KIRREL3: variants seen among roughly 807,000 people sequenced by gnomAD.
KIRREL3 encodes the protein kirre like nephrin family adhesion molecule 3, also known as kin of IRRE-like protein 3.
Under a neutral mutation model 89.7 loss-of-function variants are expected in KIRREL3, and 36 were observed. That is an observed-to-expected ratio of 0.40 (90% confidence interval 0.31 to 0.53). KIRREL3 has a LOEUF of 0.53. KIRREL3 is among the 20% of genes least tolerant of loss of function. KIRREL3 has a pLI of 0.49. For missense variants in KIRREL3, 864 were observed against 1,056.6 expected (o/e 0.82, Z 2.53); for synonymous variants, 445 against 441.4 (o/e 1.01, Z -0.10).
chr11:126,917,490 A>G lies in KIRREL3; in HGVS notation c.55+82965T>C, dbSNP rs553024153. ...TATATTTTACCACAATAAAAAAATT[A>G]AAAAAAAACAAGGAAAAACCTGCAA... On this transcript the variant is annotated intron_variant, in intron 1 of 16. Coordinates refer to ENST00000525144, the MANE Select transcript of KIRREL3 (RefSeq NM_032531.4). The surrounding 1 kb of genome is among the most constrained non-coding windows in gnomAD (Gnocchi z 5.0). Among the ~76,000 whole-genome samples the G allele has an allele frequency of 1.0e-4, 12 of 119,534 alleles. No homozygotes were observed. The highest frequency in any genetic ancestry group is 4.5e-4 in the African/African-American group (12 of 26,768). The allele number at this position is 119,534 out of a possible 152,430, so 78.4% of individuals were successfully genotyped here. A position where few individuals can be genotyped will look rare whatever the true frequency, so the allele number is the denominator to read the frequency against.
chr11:126,833,026 T>C (rs1232588503), intron 1 of KIRREL3, among the ~76,000 whole-genome samples: 1 of 152,182 alleles, frequency 6.6e-6, no homozygotes, highest in East Asian at 1.9e-4. Flanking sequence ...CAACGGAATG[T>C]GTCCGTGTGC....
In KIRREL3 at chr11:126,566,096, A is replaced by T. The variant is rs1227812632; in HGVS notation, c.56-3184T>A. ...CTTTGGGGGTGCTGTCTTTGGCTTTATCAGTAGCAGAAACACCCAGATACT... is the reference window on the plus strand; with the variant it reads ...CTTTGGGGGTGCTGTCTTTGGCTTTTTCAGTAGCAGAAACACCCAGATACT... On this transcript the variant is annotated intron_variant, in intron 1 of 16. Coordinates refer to ENST00000525144, the MANE Select transcript of KIRREL3 (RefSeq NM_032531.4). The surrounding 1 kb of genome is among the most constrained non-coding windows in gnomAD (Gnocchi z 4.9). Among the ~76,000 whole-genome samples the T allele has an allele frequency of 1.3e-5, 2 of 152,004 alleles. No individual in the cohort carries two copies. Among genetic ancestry groups the T allele is most frequent in the East Asian group, 1.9e-4 (1 of 5,182 alleles).
In KIRREL3 at chr11:126,906,767, C is replaced by G. The variant is rs537487558; in HGVS notation, c.55+93688G>C. On this transcript the variant is annotated intron_variant, in intron 1 of 16. Transcript: ENST00000525144. The surrounding 1 kb of genome is among the most constrained non-coding windows in gnomAD (Gnocchi z 4.1). ...GGATCCCCAGCACCTCCTCTGTAGC[C>G]CACAGTGCAAGGCTGCCTGTGGCTT... is the stretch of plus-strand genomic sequence containing the variant. Among the ~76,000 whole-genome samples, 3 of 152,296 alleles carry G rather than the reference C, an allele frequency of 2.0e-5. No homozygotes were observed. The highest frequency in any genetic ancestry group is 4.4e-5 in the Non-Finnish European group (3 of 68,012).
chr11:126,683,539 A>T lies in KIRREL3; in HGVS notation c.56-120627T>A, dbSNP rs1214554219. On this transcript the variant is annotated intron_variant, in intron 1 of 16. Transcript: ENST00000525144. The surrounding 1 kb of genome is among the most constrained non-coding windows in gnomAD (Gnocchi z 5.2). ...TCTTTCTTATCTGCAAAATGGGAAGAGTAAGGGCACCCATCTTGGAGGAGA... is the reference window on the plus strand; with the variant it reads ...TCTTTCTTATCTGCAAAATGGGAAGTGTAAGGGCACCCATCTTGGAGGAGA... 1.3e-5 allele frequency among the ~76,000 whole-genome samples: 2 copies of T among 152,192 alleles called. No homozygotes were observed. The highest frequency in any genetic ancestry group is 2.9e-5 in the Non-Finnish European group (2 of 68,040).
At chr11:126,787,814 T>C (rs1950526444) in intron 1 of KIRREL3, among the ~76,000 whole-genome samples, 3 of 152,222 alleles carry the variant, frequency 2.0e-5, no homozygotes, top group South Asian at 4.1e-4. Flanking sequence ...TCCTGATGAA[T>C]TGGCCTCACT....
chr11:126,713,202 C>G (rs1947829663), intron 1 of KIRREL3, among the ~76,000 whole-genome samples: 1 of 152,202 alleles, frequency 6.6e-6, no homozygotes, highest in Admixed American at 6.5e-5. Context: ...AGGGTACGGA[C>G]TGATGCTGGG....
intron 1 of KIRREL3, among the ~76,000 whole-genome samples, chr11:126,823,201 T>C (rs964207404): frequency 1.3e-5 from 2 of 152,226 alleles, no homozygotes; most frequent in Admixed American, 6.5e-5. Flanking sequence ...ATCTACCATT[T>C]AGAAGGACTG....
chr11:126,637,424 C>T (rs1944309738), intron 1 of KIRREL3, among the ~76,000 whole-genome samples: 1 of 152,196 alleles, frequency 6.6e-6, no homozygotes, highest in Non-Finnish European at 1.5e-5. Context: ...GTTGTGCTTC[C>T]TGCTTAGCAC....
rs938409219 is a variant in KIRREL3 at position 126,550,962 on chromosome 11, G to C, written c.133+11873C>G. 9.2e-5 allele frequency among the ~76,000 whole-genome samples: 14 copies of C among 152,298 alleles called. No individual in the cohort carries two copies. The highest frequency in any genetic ancestry group is 3.4e-3 in the Middle Eastern group (1 of 294). On this transcript the variant is annotated intron_variant, in intron 2 of 16. Coordinates refer to ENST00000525144, the MANE Select transcript of KIRREL3 (RefSeq NM_032531.4). The surrounding 1 kb of genome is among the most constrained non-coding windows in gnomAD (Gnocchi z 4.9). Reference sequence around the variant, plus strand: ...ACCCTGGCACCTGTCACAAGTTCAGGCTTCCAGAACTTCTGGCAGACCCGC... The same window carrying C: ...ACCCTGGCACCTGTCACAAGTTCAGCCTTCCAGAACTTCTGGCAGACCCGC...
At position 126,624,511 on chromosome 11, in the gene KIRREL3, G is replaced by A. The variant is rs1565600890; in HGVS notation, c.56-61599C>T. 1.3e-5 allele frequency among the ~76,000 whole-genome samples: 2 copies of A among 152,192 alleles called. No individual in the cohort carries two copies. Among genetic ancestry groups the A allele is most frequent in the Admixed American group, 6.5e-5 (1 of 15,278 alleles). On this transcript the variant is annotated intron_variant, in intron 1 of 16. Coordinates refer to ENST00000525144, the MANE Select transcript of KIRREL3 (RefSeq NM_032531.4). This position sits in a 1 kb window ranked among gnomAD's most constrained non-coding sequence, Gnocchi z 6.0. ...TGAACAAATGTATGTTTATAATGGT[G>A]TAAAAACCCTGGTTTCCCCTTCCCA...
chr11:126,896,269 C>T lies in KIRREL3; in HGVS notation c.55+104186G>A, dbSNP rs983273091. Reference sequence around the variant, plus strand: ...GGATACCTAAGAAACTAACCCTATACCATCCAAGACAGAACTCTGCTAGTC... The same window carrying T: ...GGATACCTAAGAAACTAACCCTATATCATCCAAGACAGAACTCTGCTAGTC... On this transcript the variant is annotated intron_variant, in intron 1 of 16. Transcript: ENST00000525144. This position sits in a 1 kb window ranked among gnomAD's most constrained non-coding sequence, Gnocchi z 4.1. Among the ~76,000 whole-genome samples, 1 of 152,202 alleles carries T rather than the reference C, an allele frequency of 6.6e-6. No homozygotes were observed. The highest frequency in any genetic ancestry group is 2.4e-5 in the African/African-American group (1 of 41,464).
rs1315285987 is a variant in KIRREL3 at position 126,752,430 on chromosome 11, T to C, written c.56-189518A>G. On this transcript the variant is annotated intron_variant, in intron 1 of 16. Coordinates refer to ENST00000525144, the MANE Select transcript of KIRREL3 (RefSeq NM_032531.4). This position sits in a 1 kb window ranked among gnomAD's most constrained non-coding sequence, Gnocchi z 4.8. ...CTAACTGGATGATGAGTTAATTATG[T>C]AGCTATGGAATTAACATTATCATTA... Among the ~76,000 whole-genome samples the C allele has an allele frequency of 3.9e-5, 6 of 152,212 alleles. No homozygotes were observed. Among genetic ancestry groups the C allele is most frequent in the African/African-American group, 1.2e-4 (5 of 41,456 alleles).
intron 4 of KIRREL3, among the ~76,000 whole-genome samples, chr11:126,499,752 C>T (rs774924119): frequency 2.0e-5 from 3 of 152,154 alleles, no homozygotes; most frequent in African/African-American, 2.4e-5. Context: ...AGGGAGAGTT[C>T]GGTAGTTACT....
At chr11:126,633,008 C>T (rs1944108277) in intron 1 of KIRREL3, among the ~76,000 whole-genome samples, 1 of 151,982 alleles carries the variant, frequency 6.6e-6, no homozygotes, top group Non-Finnish European at 1.5e-5. Flanking sequence ...AGGAGAATCA[C>T]TTGAACCTGG....
At chr11:126,806,799 G>T (rs1446974887) in intron 1 of KIRREL3, among the ~76,000 whole-genome samples, 1 of 151,730 alleles carries the variant, frequency 6.6e-6, no homozygotes, top group Non-Finnish European at 1.5e-5. Flanking sequence ...AGCCCCACAT[G>T]CATTAGGTAT....
rs181794931 is a variant in KIRREL3, at chr11:126,451,269, T to G, written c.849-2112A>C. 1.9e-3 allele frequency among the ~76,000 whole-genome samples: 271 copies of G among 145,606 alleles called. 1 individual carries two copies. The highest frequency in any genetic ancestry group is 4.0e-3 in the Middle Eastern group (1 of 252). The stretch of plus-strand genomic sequence containing the variant: ...TGAGCATGTGTGCATTGCTTGTGTG[T>G]CCGTGTGCATGTGTGCGTGTGTGCA... On this transcript the variant is annotated intron_variant, in intron 7 of 16. Coordinates refer to ENST00000525144, the MANE Select transcript of KIRREL3 (RefSeq NM_032531.4).
rs150505979 is a variant in KIRREL3, at chr11:126,564,845, C to T, written c.56-1933G>A. 9.2e-5 allele frequency among the ~76,000 whole-genome samples: 14 copies of T among 152,312 alleles called. No homozygotes were observed. The highest frequency in any genetic ancestry group is 3.1e-4 in the African/African-American group (13 of 41,578). On this transcript the variant is annotated intron_variant, in intron 1 of 16. Transcript: ENST00000525144. The surrounding 1 kb of genome is among the most constrained non-coding windows in gnomAD (Gnocchi z 7.4). ...TGAGCTCCCTGGAACAATAGCCTCT[C>T]GAGGGAGACTGTATTGAAACCTCAA...
In KIRREL3 at chr11:126,431,610, G is replaced by GCAGCCCCTGCCACATGGGGC; in HGVS notation, c.1589-104_1589-85dup. The GCAGCCCCTGCCACATGGGGC allele has an allele frequency of 7.4e-7, 1 of 1,348,286 alleles. No homozygotes were observed. Among genetic ancestry groups the GCAGCCCCTGCCACATGGGGC allele is most frequent in the Non-Finnish European group, 1.0e-6 (1 of 975,842 alleles). 83.5% of individuals were successfully genotyped at this position (1,348,286 alleles called of 1,614,324 possible). On this transcript the variant is annotated intron_variant, in intron 13 of 16. Transcript: ENST00000525144. This position sits in a 1 kb window ranked among gnomAD's most constrained non-coding sequence, Gnocchi z 7.1. ...ATGATCTCACCCCGTTCCTGCGGGG[G>GCAGCCCCTGCCACATGGGGC]CAGCCCCTGCCACATGGGGCCCTCC... is the stretch of plus-strand genomic sequence containing the variant.
chr11:126,660,235 A>G (rs1945333809), intron 1 of KIRREL3, among the ~76,000 whole-genome samples: 3 of 152,142 alleles, frequency 2.0e-5, no homozygotes, highest in Admixed American at 2.0e-4. Context: ...TACCCTGGGG[A>G]TCACTTTTAC....
Sources: allele counts gnomAD v4.1 joint callset (sites outside exome capture counted in the v4.1 genomes callset), GRCh38; gene constraint gnomAD v4.1.1; non-coding constraint Gnocchi (gnomAD v3.1); transcripts MANE v1.5; gene names NCBI Gene and HGNC (gene_info 2026-07-23, HGNC 2026-07-21).